DIABLO: variants seen among roughly 807,000 people sequenced by gnomAD.
The protein encoded by DIABLO is diablo homolog, mitochondrial.
In DIABLO, 32 loss-of-function variants were observed where a neutral mutation model predicts 31.7. The observed-to-expected ratio is 1.01, with a 90% CI of 0.76 to 1.35. The LOEUF (loss-of-function observed/expected upper bound fraction) is 1.35, where lower values mean the gene tolerates loss of function less well. DIABLO is among the 40% of genes most tolerant of loss of function. The pLI is 0.00. For missense variants in DIABLO, 316 were observed against 286.4 expected (o/e 1.10, Z -0.75); for synonymous variants, 132 against 103.2 (o/e 1.28, Z -1.69).
chr12:122,221,114 G>A (rs1392988104), intron 2 of DIABLO: 1 of 152,066 alleles, frequency 6.6e-6, no homozygotes, highest in Non-Finnish European at 1.5e-5. Flanking sequence ...GACTCAGGAG[G>A]GTGCCAAAGG....
upstream of DIABLO, among the ~76,000 whole-genome samples, chr12:122,226,930 G>A (rs1332904300): frequency 1.3e-5 from 2 of 152,152 alleles, no homozygotes; most frequent in Non-Finnish European, 2.9e-5. Context: ...TTCTTTTCCC[G>A]TCACTCAAGC....
upstream of DIABLO, chr12:122,226,425 C>T: frequency 1.5e-6 from 1 of 682,754 alleles, no homozygotes; most frequent in Non-Finnish European, 2.6e-6. Context: ...GCGGCGACGG[C>T]GCTGTCACTT....
chr12:122,208,696 G>A (rs757432015), intron 5 of DIABLO, 119 bp from the exon 6 acceptor site: 1 of 958,458 alleles, frequency 1.0e-6, no homozygotes, highest in South Asian at 1.4e-5. Context: ...CACTTTCCTT[G>A]ACCTCCCTGT....
At chr12:122,219,478 G>A (rs963877157) in intron 2 of DIABLO, among the ~76,000 whole-genome samples, 1 of 152,044 alleles carries the variant, frequency 6.6e-6, no homozygotes, top group Non-Finnish European at 1.5e-5. Context: ...CTACACTGGG[G>A]GCATGCAGAA....
intron 5 of DIABLO, among the ~76,000 whole-genome samples, chr12:122,212,828 T>C (rs962694129): frequency 6.6e-6 from 1 of 152,006 alleles, no homozygotes; most frequent in African/African-American, 2.4e-5. Flanking sequence ...GGTTTTACCA[T>C]GTTAACCAGG....
chr12:122,213,871 G>T (rs1021042245), intron 5 of DIABLO, among the ~76,000 whole-genome samples: 5 of 152,258 alleles, frequency 3.3e-5, no homozygotes, highest in African/African-American at 9.6e-5. Flanking sequence ...GATCACCTGA[G>T]ATCAGGAATT....
intron 5 of DIABLO, among the ~76,000 whole-genome samples, chr12:122,213,737 C>T (rs1201860185): frequency 6.6e-6 from 1 of 152,116 alleles, no homozygotes; most frequent in East Asian, 1.9e-4. Flanking sequence ...TCCGTTGTTT[C>T]ATTCTTGTTC....
chr12:122,216,879 G>C lies in DIABLO; in HGVS notation c.316-10C>G, dbSNP rs1954226045. On this transcript the variant is annotated splice_polypyrimidine_tract_variant and intron_variant, in intron 3 of 5. Coordinates refer to ENST00000464942, the MANE Select transcript of DIABLO (RefSeq NM_001371333.1). Reference sequence around the variant, plus strand: ...TTAAGGTATAAACAGCCTACAAATAGAGAATGAACAAGTCTGAGTAAAGTA... The same window carrying C: ...TTAAGGTATAAACAGCCTACAAATACAGAATGAACAAGTCTGAGTAAAGTA... 2 of 1,602,220 alleles carry C rather than the reference G, an allele frequency of 1.2e-6. No individual in the cohort carries two copies. Among genetic ancestry groups the C allele is most frequent in the Non-Finnish European group, 1.7e-6 (2 of 1,169,620 alleles).
At chr12:122,223,015 T>TTCTGC (rs1448452534) in intron 2 of DIABLO, among the ~76,000 whole-genome samples, 1 of 151,892 alleles carries the variant, frequency 6.6e-6, no homozygotes, top group African/African-American at 2.4e-5. Context: ...TCCCCACCTC[T>TTCTGC]TCTGCTTGCC....
intron 5 of DIABLO, chr12:122,208,930 AAAATT>A: frequency 2.7e-6 from 1 of 375,934 alleles, no homozygotes; most frequent in South Asian, 2.1e-5. Context: ...GATCATGAAT[AAAATT>A]GTCAAAGATC....
rs147184926 is a variant in DIABLO at position 122,214,961 on chromosome 12, C to T, written c.523+1527G>A. On this transcript the variant is annotated intron_variant, in intron 5 of 5. Transcript: ENST00000464942. ...CTCAAGTGATCCGCCCTCCTTGGCC[C>T]CCCAAAGTGCTGGGATTATAGGCAT... Among the ~76,000 whole-genome samples the T allele has an allele frequency of 6.6e-3, 999 of 152,196 alleles. 16 individuals carry two copies. Among genetic ancestry groups the T allele is most frequent in the South Asian group, 0.057 (277 of 4,822 alleles).
chr12:122,219,715 T>C (rs1286294026), intron 2 of DIABLO, among the ~76,000 whole-genome samples: 2 of 150,732 alleles, frequency 1.3e-5, no homozygotes, highest in African/African-American at 4.9e-5. Flanking sequence ...AAAAAAAAAT[T>C]AGCTGGGCAT....
At position 122,216,854 on chromosome 12, in the gene DIABLO, T is replaced by G; in HGVS notation, c.331A>C (p.Thr111Pro). The change falls in exon 4 of 6, where the codon ACT becomes CCT. Residue 111 changes from threonine to proline, a missense_variant. Coordinates refer to ENST00000464942, the MANE Select transcript of DIABLO (RefSeq NM_001371333.1). ...TEYTKAVYTL[T>P]SLYRQYTSLL... is the part of the protein sequence containing the mutation. ...CTTGTATATTGTCGGTAAAGAGAAGTTAAGGTATAAACAGCCTACAAATAG... is the reference window on the plus strand; with the variant it reads ...CTTGTATATTGTCGGTAAAGAGAAGGTAAGGTATAAACAGCCTACAAATAG... The G allele has an allele frequency of 6.2e-7, 1 of 1,613,838 alleles. No individual in the cohort carries two copies. Among genetic ancestry groups the G allele is most frequent in the Non-Finnish European group, 8.5e-7 (1 of 1,179,800 alleles).
Position 122,207,720 on chromosome 12 carries a change from C to A in DIABLO, c.*661G>T. 3.8e-6 allele frequency: 2 copies of A among 531,034 alleles called. No individual in the cohort carries two copies. The highest frequency in any genetic ancestry group is 7.2e-6 in the Non-Finnish European group (2 of 277,644). 32.9% of individuals were successfully genotyped at this position (531,034 alleles called of 1,614,324 possible). On this transcript the variant is annotated 3_prime_UTR_variant, in exon 6 of 6. Coordinates refer to ENST00000464942, the MANE Select transcript of DIABLO (RefSeq NM_001371333.1). ...GATGCAAACAAAATCTTACACTCTT[C>A]TCCTTTGGATACAATAGAGAAACGG...
intron 5 of DIABLO, chr12:122,209,705 A>G: frequency 1.4e-6 from 1 of 695,336 alleles, no homozygotes. Context: ...ACCTGCTGCT[A>G]GTTAGTGTAT....
chr12:122,208,573 T>C lies in DIABLO; in HGVS notation c.528A>G (p.Ala176=), dbSNP rs1953995239. 6.2e-7 allele frequency: 1 copy of C among 1,612,270 alleles called. No homozygotes were observed. The highest frequency in any genetic ancestry group is 8.5e-7 in the Non-Finnish European group (1 of 1,180,006). The change falls in exon 6 of 6, where the codon GCA becomes GCG. Residue 176 remains alanine (A), a synonymous_variant. Transcript: ENST00000464942. ...MAAEAAYQTG[A]DQASITARNH... is the part of the protein sequence containing the mutation. Reference sequence around the variant, plus strand: ...TCCTGGCGGTTATAGAGGCCTGATCTGCGCCTGCCAAAAGATGGGACAATC... The same window carrying C: ...TCCTGGCGGTTATAGAGGCCTGATCCGCGCCTGCCAAAAGATGGGACAATC...
At chr12:122,226,688 G>C (rs1566031993), upstream of DIABLO, 1 of 602,008 alleles carries the variant, frequency 1.7e-6, no homozygotes, top group East Asian at 2.9e-5. Context: ...GAAGCCCACA[G>C]TGCCGACCTC....
intron 5 of DIABLO, 21 bp downstream of exon 5, chr12:122,216,467 C>T (rs1490853969): frequency 1.9e-6 from 3 of 1,598,138 alleles, no homozygotes; most frequent in Non-Finnish European, 2.6e-6. Context: ...AAAAAAAACC[C>T]AACACAAAAC....
upstream of DIABLO, chr12:122,226,597 G>A (rs1593186594): frequency 1.5e-6 from 1 of 685,742 alleles, no homozygotes; most frequent in Non-Finnish European, 2.6e-6. Flanking sequence ...ACGGTCGGCG[G>A]CCTGCCGGGC....
Sources: allele counts gnomAD v4.1 joint callset (sites outside exome capture counted in the v4.1 genomes callset), GRCh38; gene constraint gnomAD v4.1.1; transcripts MANE v1.5; gene names NCBI Gene and HGNC (gene_info 2026-07-23, HGNC 2026-07-21).